CCNY: variants seen among roughly 807,000 people sequenced by gnomAD.
CCNY encodes cyclin Y.
In CCNY, 19 loss-of-function variants were observed where a neutral mutation model predicts 42.8. The ratio of observed to expected loss-of-function variants is 0.44; its 90% confidence interval spans 0.31 to 0.65. The LOEUF (loss-of-function observed/expected upper bound fraction) is 0.65. CCNY is among the 30% of genes least tolerant of loss of function. CCNY has a pLI of 0.07. For missense variants in CCNY, 370 were observed against 437.3 expected (o/e 0.85, Z 1.37); for synonymous variants, 165 against 162.7 (o/e 1.01, Z -0.11).
At chr10:35,358,869 C>T (rs1207745545) in intron 1 of CCNY, among the ~76,000 whole-genome samples, 1 of 152,138 alleles carries the variant, frequency 6.6e-6, no homozygotes, top group Non-Finnish European at 1.5e-5. Context: ...TTATTTGAGG[C>T]CAGGTGAAGG....
At chr10:35,250,630 AG>A (rs1362745813) in intron 3 of CCNY, 3 of 152,342 alleles carry the variant, frequency 2.0e-5, no homozygotes, top group African/African-American at 7.2e-5. Context: ...TGAAGAGGTA[AG>A]CCCAGACTGC....
intron 8 of CCNY, among the ~76,000 whole-genome samples, chr10:35,560,483 T>C (rs904898199): frequency 6.6e-5 from 10 of 152,236 alleles, no homozygotes; most frequent in African/African-American, 2.4e-4. Context: ...AGGATGAGCA[T>C]GTGAGACTCA....
intron 1 of CCNY, among the ~76,000 whole-genome samples, chr10:35,456,469 C>T (rs1010906411): frequency 2.0e-5 from 3 of 152,224 alleles, no homozygotes; most frequent in African/African-American, 7.2e-5. Flanking sequence ...TCATTGATTG[C>T]ACAGGATTCG....
chr10:35,408,729 T>C (rs1779896637), intron 1 of CCNY, among the ~76,000 whole-genome samples: 1 of 152,228 alleles, frequency 6.6e-6, no homozygotes, highest in Non-Finnish European at 1.5e-5. Flanking sequence ...TATGATGGCT[T>C]AGCTTGGGCT....
intron 1 of CCNY, among the ~76,000 whole-genome samples, chr10:35,401,794 G>A (rs887266917): frequency 2.0e-5 from 3 of 152,116 alleles, no homozygotes; most frequent in African/African-American, 7.2e-5. Context: ...ATCTCACAGA[G>A]TACATTCTCA....
At chr10:35,432,035 A>G (rs1039125210) in intron 1 of CCNY, among the ~76,000 whole-genome samples, 2 of 152,218 alleles carry the variant, frequency 1.3e-5, no homozygotes, top group African/African-American at 2.4e-5. Context: ...TAAGGAGGTC[A>G]TATTATGGAG....
intron 3 of CCNY, among the ~76,000 whole-genome samples, chr10:35,306,180 A>G (rs1024689115): frequency 6.6e-6 from 1 of 151,992 alleles, no homozygotes; most frequent in African/African-American, 2.4e-5. Context: ...GATTACAGGC[A>G]CACGCCACTA....
chr10:35,336,268 G>C (rs913562985), upstream of CCNY: 1 of 151,948 alleles, frequency 6.6e-6, no homozygotes, highest in African/African-American at 2.4e-5. Context: ...GGGAGTGGAG[G>C]AGGCAGAGGC....
At chr10:35,513,556 C>T (rs1589170208) in intron 3 of CCNY, among the ~76,000 whole-genome samples, 1 of 152,338 alleles carries the variant, frequency 6.6e-6, no homozygotes, top group East Asian at 1.9e-4. Context: ...CACACACTCG[C>T]CCTGCTCAAG....
At chr10:35,507,349 T>C (rs1840235985) in intron 3 of CCNY, among the ~76,000 whole-genome samples, 1 of 152,250 alleles carries the variant, frequency 6.6e-6, no homozygotes, top group South Asian at 2.1e-4. Flanking sequence ...TTAATAGTAG[T>C]AATACAGAAA....
intron 4 of CCNY, among the ~76,000 whole-genome samples, chr10:35,523,973 A>G (rs567314601): frequency 2.5e-4 from 38 of 152,346 alleles, no homozygotes; most frequent in South Asian, 8.3e-4. Context: ...TCTCAAAGAC[A>G]TTAAACTAAT....
chr10:35,336,417 A>G (rs1469643701), upstream of CCNY: 2 of 151,510 alleles, frequency 1.3e-5, no homozygotes, highest in African/African-American at 4.8e-5. Context: ...GCGGCCGCCG[A>G]TCTGCTTCCA....
At chr10:35,507,994 C>T (rs562636859) in intron 3 of CCNY, among the ~76,000 whole-genome samples, 2 of 152,242 alleles carry the variant, frequency 1.3e-5, no homozygotes, top group African/African-American at 2.4e-5. Context: ...TGCCTGGATC[C>T]TCCACTGTCT....
intron 1 of CCNY, among the ~76,000 whole-genome samples, chr10:35,359,686 A>G (rs983751365): frequency 6.6e-6 from 1 of 152,024 alleles, no homozygotes; most frequent in Non-Finnish European, 1.5e-5. Context: ...GCACATTCAC[A>G]TTGCTGTGCA....
In CCNY at chr10:35,529,661, G is replaced by A. The variant is rs1425817949; in HGVS notation, c.402-312G>A. On this transcript the variant is annotated intron_variant, in intron 5 of 9. Transcript: ENST00000374704. ...GTGGATCTCCTGAGGTCAGGAGTTCGAGACCAGCCTGGCTAACATGGTGAA... is the reference window on the plus strand; with the variant it reads ...GTGGATCTCCTGAGGTCAGGAGTTCAAGACCAGCCTGGCTAACATGGTGAA... Among the ~76,000 whole-genome samples the A allele has an allele frequency of 4.0e-5, 6 of 151,560 alleles. No individual in the cohort carries two copies. In the South Asian group the frequency reaches 6.3e-4, roughly 16 times the overall value.
intron 2 of CCNY, among the ~76,000 whole-genome samples, chr10:35,499,472 G>A (rs1840067606): frequency 6.6e-6 from 1 of 152,176 alleles, no homozygotes; most frequent in African/African-American, 2.4e-5. Flanking sequence ...TTTGGGTGGG[G>A]ACACAGCCAA....
chr10:35,446,405 C>A (rs960176623), intron 1 of CCNY, among the ~76,000 whole-genome samples: 1 of 151,870 alleles, frequency 6.6e-6, no homozygotes. Context: ...AGTTTTTTTT[C>A]CCCACTAAAT....
intron 3 of CCNY, among the ~76,000 whole-genome samples, chr10:35,295,903 GGTT>G (rs1835465315): frequency 6.6e-6 from 1 of 152,058 alleles, no homozygotes. Context: ...TAGATATTTG[GGTT>G]GTTCTGCTCC....
intron 1 of CCNY, among the ~76,000 whole-genome samples, chr10:35,419,533 CTTTTTTTT>C (rs34429228): frequency 7.7e-6 from 1 of 129,686 alleles, no homozygotes; most frequent in Admixed American, 7.5e-5. Flanking sequence ...TAGACCGTTC[CTTTTTTTT>C]TTTTTTTAGC....
Sources: allele counts gnomAD v4.1 joint callset (sites outside exome capture counted in the v4.1 genomes callset), GRCh38; gene constraint gnomAD v4.1.1; transcripts MANE v1.5; gene names NCBI Gene and HGNC (gene_info 2026-07-23, HGNC 2026-07-21).